The following WDR7 variants were observed in gnomAD, a reference collection of about 807,000 sequenced individuals.
WDR7 encodes the protein WD repeat-containing protein 7.
A neutral mutation model predicts 169.4 loss-of-function variants in WDR7; 46 were observed. The observed-to-expected ratio is 0.27, with a 90% CI of 0.21 to 0.35. The LOEUF is 0.35. WDR7 is among the 10% of genes least tolerant of loss of function. The probability of loss-of-function intolerance (pLI) is 1.00; values close to 1 mark genes in which losing one functional copy is unlikely to be tolerated. For missense variants in WDR7, 1,534 were observed against 1,859.3 expected, an observed-to-expected ratio of 0.83 and a Z score of 3.22; for synonymous variants, 612 against 666.8, an observed-to-expected ratio of 0.92 and a Z score of 1.27.
chr18:56,774,305 A>G (rs1045018748), intron 16 of WDR7, among the ~76,000 whole-genome samples: 1 of 152,102 alleles, frequency 6.6e-6, no homozygotes, highest in South Asian at 2.1e-4. Context: ...TTGGATATGT[A>G]TGTGCTATGT....
chr18:56,909,606 T>C (rs2046525930), intron 21 of WDR7, among the ~76,000 whole-genome samples: 1 of 152,134 alleles, frequency 6.6e-6, no homozygotes, highest in African/African-American at 2.4e-5. Context: ...TTATATGTTT[T>C]ATATATAACA....
At chr18:56,970,236 GT>G (rs61311711) in intron 26 of WDR7, among the ~76,000 whole-genome samples, 20 of 138,324 alleles carry the variant, frequency 1.4e-4, no homozygotes, top group Non-Finnish European at 1.3e-4. Flanking sequence ...TTTTTGGTTT[GT>G]TTTTTTTTTT....
intron 16 of WDR7, among the ~76,000 whole-genome samples, chr18:56,770,644 A>C (rs2044139990): frequency 6.6e-6 from 1 of 152,178 alleles, no homozygotes; most frequent in South Asian, 2.1e-4. Flanking sequence ...TTTTTTAAAC[A>C]TTATGAGCAC....
At chr18:56,912,253 A>G (rs2046562925) in intron 21 of WDR7, among the ~76,000 whole-genome samples, 1 of 152,226 alleles carries the variant, frequency 6.6e-6, no homozygotes, top group South Asian at 2.1e-4. Context: ...AGCAATGGAT[A>G]GAACATGGAC....
chr18:56,880,729 A>T (rs1242448449), intron 21 of WDR7, among the ~76,000 whole-genome samples: 2 of 152,180 alleles, frequency 1.3e-5, no homozygotes, highest in East Asian at 3.8e-4. Flanking sequence ...TTTAAAAAAT[A>T]TTCCAGTAAC....
rs979538104 is a variant in WDR7 at position 56,683,635 on chromosome 18, A to C, written c.520+782A>C. The stretch of plus-strand genomic sequence containing the variant: ...GCATTTACATATGATCAATTCTCAC[A>C]ATACTTAGTGGGGTAGGTACTGTTA... On this transcript the variant is annotated intron_variant, in intron 5 of 27. Coordinates refer to ENST00000254442, the MANE Select transcript of WDR7 (RefSeq NM_015285.3). Among the ~76,000 whole-genome samples, 4 of 152,296 alleles carry C rather than the reference A, an allele frequency of 2.6e-5. No individual in the cohort carries two copies. The East Asian group carries it at 7.7e-4, about 29-fold the overall frequency.
At chr18:56,899,670 A>T (rs1227625696) in intron 21 of WDR7, among the ~76,000 whole-genome samples, 2 of 152,062 alleles carry the variant, frequency 1.3e-5, no homozygotes, top group African/African-American at 4.8e-5. Context: ...CCAGTACAAC[A>T]TACTTTTCAT....
At chr18:56,904,666 A>G (rs2046452243) in intron 21 of WDR7, among the ~76,000 whole-genome samples, 1 of 152,152 alleles carries the variant, frequency 6.6e-6, no homozygotes, top group Non-Finnish European at 1.5e-5. Context: ...TCCTGACAGA[A>G]AGAAAGAATC....
intron 12 of WDR7, among the ~76,000 whole-genome samples, chr18:56,712,071 A>T (rs1382103935): frequency 6.6e-6 from 1 of 152,258 alleles, no homozygotes; most frequent in Non-Finnish European, 1.5e-5. Context: ...CTGAAATGAT[A>T]TGAAGAAAAA....
chr18:57,002,020 T>G (rs2047988848), intron 26 of WDR7, among the ~76,000 whole-genome samples: 1 of 152,202 alleles, frequency 6.6e-6, no homozygotes, highest in South Asian at 2.1e-4. Context: ...GTCATTACTT[T>G]TGGAGTTTAT....
chr18:56,755,871 C>CTTTCTTTGTCTCTTTATT (rs1274933483), intron 14 of WDR7, among the ~76,000 whole-genome samples: 1 of 152,044 alleles, frequency 6.6e-6, no homozygotes, highest in Non-Finnish European at 1.5e-5. Flanking sequence ...TCTTTTAGTT[C>CTTTCTTTGTCTCTTTATT]TTTCTTTGTC....
intron 21 of WDR7, among the ~76,000 whole-genome samples, chr18:56,911,351 G>C (rs2046549491): frequency 1.3e-5 from 2 of 152,172 alleles, no homozygotes; most frequent in African/African-American, 2.4e-5. Context: ...CCAAGTCAAA[G>C]CTTAAACAAA....
intron 19 of WDR7, among the ~76,000 whole-genome samples, chr18:56,814,074 T>C (rs756691849): frequency 3.9e-5 from 6 of 152,186 alleles, no homozygotes; most frequent in Non-Finnish European, 5.9e-5. Flanking sequence ...TAAATTGATA[T>C]TGAAGTTTGA....
intron 20 of WDR7, among the ~76,000 whole-genome samples, chr18:56,860,847 TC>T (rs1176952084): frequency 3.3e-5 from 5 of 152,130 alleles, no homozygotes; most frequent in African/African-American, 4.8e-5. Flanking sequence ...TCTTTTTTTT[TC>T]ATGAACATTT....
At chr18:57,011,897 A>C (rs2048141993) in intron 26 of WDR7, among the ~76,000 whole-genome samples, 1 of 152,240 alleles carries the variant, frequency 6.6e-6, no homozygotes, top group Admixed American at 6.5e-5. Context: ...GTGAGAAAGA[A>C]ACAGGTTCCT....
rs1272980142 is a variant in WDR7, at chr18:56,700,791, G to A, written c.1578+4329G>A. Reference sequence around the variant, plus strand: ...TCACCGTGTTAGCCAGGATGGTCTCGATCTCCTGACCTCGTGATCCGCCCG... The same window carrying A: ...TCACCGTGTTAGCCAGGATGGTCTCAATCTCCTGACCTCGTGATCCGCCCG... On this transcript the variant is annotated intron_variant, in intron 12 of 27. Coordinates refer to ENST00000254442, the MANE Select transcript of WDR7 (RefSeq NM_015285.3). 6.6e-5 allele frequency among the ~76,000 whole-genome samples: 10 copies of A among 151,454 alleles called. No homozygotes were observed. In the East Asian group the frequency reaches 7.8e-4, roughly 12 times the overall value.
rs1380253317 is a variant in WDR7 at position 56,781,553 on chromosome 18, C to T, written c.3087C>T (p.Ala1029=). Reference sequence around the variant, plus strand: ...CTTAGGTGAGAGAAGCCGCGCAGGCCCTGCTTCTGGCGGAACTGAGAAGAA... The same window carrying T: ...CTTAGGTGAGAGAAGCCGCGCAGGCTCTGCTTCTGGCGGAACTGAGAAGAA... ...RCLEVREAAQ[A]LLLAELRRIE... The change falls in exon 19 of 28, where the codon GCC becomes GCT. Residue 1029 remains alanine (A), a synonymous_variant. Coordinates refer to ENST00000254442, the MANE Select transcript of WDR7 (RefSeq NM_015285.3). 8.7e-6 allele frequency: 14 copies of T among 1,609,996 alleles called. No individual in the cohort carries two copies. Among genetic ancestry groups the T allele is most frequent in the Non-Finnish European group, 1.1e-5 (13 of 1,177,992 alleles).
At chr18:56,909,872 G>A (rs2046529891) in intron 21 of WDR7, among the ~76,000 whole-genome samples, 1 of 152,082 alleles carries the variant, frequency 6.6e-6, no homozygotes, top group Non-Finnish European at 1.5e-5. Flanking sequence ...GGAAAACTTA[G>A]GAAATATTAA....
intron 20 of WDR7, among the ~76,000 whole-genome samples, chr18:56,829,508 A>C (rs1232364719): frequency 1.3e-5 from 2 of 152,184 alleles, no homozygotes; most frequent in Non-Finnish European, 2.9e-5. Context: ...TTTCCAGGGT[A>C]GGCTTGATTT....
Sources: allele counts gnomAD v4.1 joint callset (sites outside exome capture counted in the v4.1 genomes callset), GRCh38; gene constraint gnomAD v4.1.1; transcripts MANE v1.5; gene names NCBI Gene and HGNC (gene_info 2026-07-23, HGNC 2026-07-21).